Variants in KCNC2 observed in about 807,000 individuals in gnomAD.
KCNC2 encodes the protein potassium voltage-gated channel subfamily C member 2, also known as voltage-gated potassium channel KCNC2.
KCNC2 carries 21 observed loss-of-function variants against 44.5 expected under a neutral mutation model. That is an observed-to-expected ratio of 0.47 (90% confidence interval 0.33 to 0.68). The LOEUF (loss-of-function observed/expected upper bound fraction) is 0.68, where lower values mean the gene tolerates loss of function less well. KCNC2 is among the 30% of genes least tolerant of loss of function. The pLI is 0.01. For missense variants in KCNC2, 589 were observed against 826.2 expected (o/e 0.71, Z 3.52); for synonymous variants, 391 against 339.1 (o/e 1.15, Z -1.68).
intron 2 of KCNC2, among the ~76,000 whole-genome samples, chr12:75,181,714 A>T (rs756489282): frequency 1.1e-4 from 17 of 152,126 alleles, no homozygotes; most frequent in Non-Finnish European, 1.0e-4. Context: ...AGCTATGTGA[A>T]CATGTGTATT....
intron 2 of KCNC2, among the ~76,000 whole-genome samples, chr12:75,137,867 GA>G (rs1332871701): frequency 6.6e-6 from 1 of 152,226 alleles, no homozygotes; most frequent in African/African-American, 2.4e-5. Context: ...TGATACAAAA[GA>G]AGTGTGCCTG....
At chr12:75,119,503 C>T (rs1360613044) in intron 2 of KCNC2, among the ~76,000 whole-genome samples, 1 of 152,168 alleles carries the variant, frequency 6.6e-6, no homozygotes, top group Non-Finnish European at 1.5e-5. Flanking sequence ...TAAACATATT[C>T]AGAGAAACTG....
intron 2 of KCNC2, among the ~76,000 whole-genome samples, chr12:75,088,062 T>C (rs988548747): frequency 1.3e-5 from 2 of 152,014 alleles, no homozygotes; most frequent in East Asian, 1.9e-4. Flanking sequence ...TTAGAGCTGG[T>C]CTATGAAACT....
At chr12:75,188,476 T>C (rs1195645129) in intron 2 of KCNC2, among the ~76,000 whole-genome samples, 2 of 152,200 alleles carry the variant, frequency 1.3e-5, no homozygotes, top group Admixed American at 1.3e-4. Context: ...CAATTTAGTA[T>C]AGATTCTTAG....
chr12:75,192,326 T>G (rs1017088907), intron 2 of KCNC2, among the ~76,000 whole-genome samples: 1 of 152,216 alleles, frequency 6.6e-6, no homozygotes, highest in African/African-American at 2.4e-5. Flanking sequence ...ATCAGTGCCA[T>G]CTATTATTGT....
intron 2 of KCNC2, among the ~76,000 whole-genome samples, chr12:75,086,311 T>A (rs79668263): frequency 6.6e-6 from 1 of 152,038 alleles, no homozygotes; most frequent in Non-Finnish European, 1.5e-5. Flanking sequence ...AAATGGTTCC[T>A]GGCTGTTGAG....
chr12:75,139,515 A>G (rs1889488892), intron 2 of KCNC2, among the ~76,000 whole-genome samples: 1 of 152,214 alleles, frequency 6.6e-6, no homozygotes, highest in Non-Finnish European at 1.5e-5. Context: ...TTCTTATGTG[A>G]ACAAGAATTT....
intron 2 of KCNC2, among the ~76,000 whole-genome samples, chr12:75,126,454 A>G (rs1363275248): frequency 6.6e-6 from 1 of 152,148 alleles, no homozygotes; most frequent in Non-Finnish European, 1.5e-5. Context: ...TTATATCCCT[A>G]AGGATTTTAT....
chr12:75,121,716 G>A (rs1048120228), intron 2 of KCNC2, among the ~76,000 whole-genome samples: 1 of 152,196 alleles, frequency 6.6e-6, no homozygotes, highest in Non-Finnish European at 1.5e-5. Flanking sequence ...TGGAATAGAA[G>A]CAATCATTCC....
At chr12:75,154,696 G>T (rs958219018) in intron 2 of KCNC2, among the ~76,000 whole-genome samples, 3 of 151,960 alleles carry the variant, frequency 2.0e-5, no homozygotes, top group South Asian at 2.1e-4. Context: ...ATGTGAGCTG[G>T]TCACCCAAAT....
intron 2 of KCNC2, among the ~76,000 whole-genome samples, chr12:75,097,059 T>C (rs1173893165): frequency 2.0e-5 from 3 of 152,122 alleles, no homozygotes; most frequent in Non-Finnish European, 2.9e-5. Flanking sequence ...AGTGGAATGT[T>C]ATACAGTGAT....
intron 2 of KCNC2, among the ~76,000 whole-genome samples, chr12:75,199,535 T>C (rs559119835): frequency 6.6e-5 from 10 of 152,066 alleles, no homozygotes; most frequent in African/African-American, 2.4e-4. Context: ...ATTACAACAC[T>C]GCTTTACATT....
chr12:75,105,291 A>C (rs897719765), intron 2 of KCNC2, among the ~76,000 whole-genome samples: 1 of 152,212 alleles, frequency 6.6e-6, no homozygotes, highest in African/African-American at 2.4e-5. Flanking sequence ...AATGAAAAAA[A>C]AATGCTTAAC....
chr12:75,115,164 A>C (rs1404489403), intron 2 of KCNC2, among the ~76,000 whole-genome samples: 1 of 152,112 alleles, frequency 6.6e-6, no homozygotes, highest in East Asian at 1.9e-4. Context: ...CGCCCTGCCC[A>C]ACTTCTACTT....
intron 2 of KCNC2, among the ~76,000 whole-genome samples, chr12:75,120,663 C>T (rs1270910863): frequency 1.3e-5 from 2 of 152,062 alleles, no homozygotes; most frequent in African/African-American, 4.8e-5. Context: ...GAGGCTCTTA[C>T]AAAAGACTCC....
chr12:75,100,424 A>G (rs1462426841), intron 2 of KCNC2, among the ~76,000 whole-genome samples: 1 of 152,068 alleles, frequency 6.6e-6, no homozygotes, highest in Non-Finnish European at 1.5e-5. Flanking sequence ...TTAATTTTAA[A>G]GGCTCTTTAA....
Position 75,042,086 on chromosome 12 carries a change from C to A in KCNC2, c.*1019G>T. On this transcript the variant is annotated 3_prime_UTR_variant, in exon 5 of 5. Transcript: ENST00000549446. ...AAAAGCCTTCTGTGAACACCAGTGA[C>A]ATTTGATGTTTGCACAAAAAATTAA... The A allele has an allele frequency of 8.2e-7, 1 of 1,225,572 alleles. No homozygotes were observed. Among genetic ancestry groups the A allele is most frequent in the Non-Finnish European group, 1.0e-6 (1 of 983,036 alleles). 75.9% of individuals were successfully genotyped at this position (1,225,572 alleles called of 1,614,324 possible).
intron 2 of KCNC2, among the ~76,000 whole-genome samples, chr12:75,166,773 A>G (rs1421579628): frequency 1.3e-5 from 2 of 151,234 alleles, no homozygotes; most frequent in East Asian, 3.9e-4. Flanking sequence ...ATGAAAACAA[A>G]AAAAACACTA....
intron 2 of KCNC2, among the ~76,000 whole-genome samples, chr12:75,084,806 A>G (rs1373177991): frequency 6.6e-6 from 1 of 151,986 alleles, no homozygotes; most frequent in East Asian, 1.9e-4. Context: ...TTAAGAAATA[A>G]CTATTTAAGC....
Sources: allele counts gnomAD v4.1 joint callset (sites outside exome capture counted in the v4.1 genomes callset), GRCh38; gene constraint gnomAD v4.1.1; transcripts MANE v1.5; gene names NCBI Gene and HGNC (gene_info 2026-07-23, HGNC 2026-07-21).